Variants in F5 observed in about 807,000 individuals in gnomAD.
The protein encoded by F5 is coagulation factor V.
In F5, 138 loss-of-function variants were observed where a neutral mutation model predicts 216.4. That is an observed-to-expected ratio of 0.64 (90% CI 0.56 to 0.73). The LOEUF (loss-of-function observed/expected upper bound fraction) is 0.73, where lower values mean the gene tolerates loss of function less well. Ranked by LOEUF, F5 falls within the 30% of genes least tolerant of loss-of-function variation. The pLI is 0.00. For missense variants in F5, 2,403 were observed against 2,674.0 expected (o/e 0.90, Z 2.24); for synonymous variants, 916 against 930.7 (o/e 0.98, Z 0.29).
chr1:169,535,689 C>T (rs1273281432), intron 14 of F5, among the ~76,000 whole-genome samples: 2 of 152,032 alleles, frequency 1.3e-5, no homozygotes, highest in Admixed American at 1.3e-4. Flanking sequence ...GTTAAATTAT[C>T]GTTCATCTTG....
intron 2 of F5, among the ~76,000 whole-genome samples, chr1:169,577,937 G>A (rs1036963267): frequency 6.6e-6 from 1 of 151,990 alleles, no homozygotes; most frequent in African/African-American, 2.4e-5. Flanking sequence ...GACTTTTTCA[G>A]GGCTCAGCTA....
chr1:169,573,830 A>C (rs1477577732), intron 2 of F5, among the ~76,000 whole-genome samples: 1 of 152,164 alleles, frequency 6.6e-6, no homozygotes, highest in East Asian at 1.9e-4. Flanking sequence ...GAGAGGATGA[A>C]GCACAAATTC....
In F5 at chr1:169,528,048, C is replaced by T. The variant is rs2101809740; in HGVS notation, c.5466G>A (p.Glu1822=). 5 of 1,613,946 alleles carry T rather than the reference C, an allele frequency of 3.1e-6. No individual in the cohort carries two copies. Among genetic ancestry groups the T allele is most frequent in the Non-Finnish European group, 4.2e-6 (5 of 1,179,862 alleles). ...GCAGGTGTAACCTCACCCACTCTTG[C>T]TCATACATTTTCAGGCCAGGCAAGC... ...IYSLPGLKMY[E]QEWVRLHLLN... Residue 1822 remains glutamate, a synonymous_variant, in exon 17 of 25, where the codon GAG becomes GAA. Coordinates refer to ENST00000367797, the MANE Select transcript of F5 (RefSeq NM_000130.5).
At position 169,555,350 on chromosome 1, in the gene F5, G is replaced by A. The variant is rs1660295489; in HGVS notation, c.953-3C>T. On this transcript the variant is annotated splice_polypyrimidine_tract_variant and splice_region_variant and intron_variant, in intron 6 of 24. Coordinates refer to ENST00000367797, the MANE Select transcript of F5 (RefSeq NM_000130.5). ...GTCAATGTAAGCCTGCATCCCAGCT[G>A]AGTTAGGACAGAAAGACAATGAAAT... The A allele has an allele frequency of 6.2e-7, 1 of 1,613,810 alleles. No individual in the cohort carries two copies. Among genetic ancestry groups the A allele is most frequent in the East Asian group, 2.2e-5 (1 of 44,842 alleles).
chr1:169,540,382 A>G lies in F5; in HGVS notation c.4708T>C (p.Trp1570Arg). 1.2e-6 allele frequency: 2 copies of G among 1,614,036 alleles called. No individual in the cohort carries two copies. The highest frequency in any genetic ancestry group is 1.7e-6 in the Non-Finnish European group (2 of 1,179,932). ...SSRDPDNIAA[W>R]YLRSNNGNRR... ...TTTCCATTGTTGCTGCGGAGGTACC[A>G]TGCTGCAATGTTGTCAGGATCTCTG... The change falls in exon 13 of 25, where the codon TGG (tryptophan) becomes CGG (arginine). Residue 1570 changes from tryptophan (W) to arginine (R), a missense_variant. Transcript: ENST00000367797.
intron 21 of F5, among the ~76,000 whole-genome samples, chr1:169,522,644 G>A (rs1659336889): frequency 6.6e-6 from 1 of 152,144 alleles, no homozygotes; most frequent in Non-Finnish European, 1.5e-5. Context: ...ACTTCTTTGG[G>A]GAAGGGAATA....
chr1:169,540,307 C>T lies in F5; in HGVS notation c.4783G>A (p.Glu1595Lys), dbSNP rs1553219241. The T allele has an allele frequency of 1.2e-6, 2 of 1,613,820 alleles. No homozygotes were observed. Among genetic ancestry groups the T allele is most frequent in the Non-Finnish European group, 1.7e-6 (2 of 1,179,824 alleles). Residue 1595 changes from glutamate (E) to lysine (K), a missense_variant, in exon 13 of 25, where the codon GAA becomes AAA. Physicochemically the swap from Glu to Lys is moderately conservative, Grantham distance 56. Around this residue, in one of 4 missense-constraint regions of F5, gnomAD observed 659 missense variants for 787.9 expected, o/e 0.84. Transcript: ENST00000367797. ...AACTGGCCAAACCTTTGTACAAATT[C>T]TGAATAATCCCAGGATATTTCTTCA... Reference protein sequence around the residue: ...AAEEISWDYSEFVQRETDIED... With the variant: ...AAEEISWDYSKFVQRETDIED...
intron 2 of F5, among the ~76,000 whole-genome samples, chr1:169,577,560 A>AATATATATATATATATATATATATATAT: frequency 1.8e-5 from 1 of 54,446 alleles, no homozygotes; most frequent in Admixed American, 2.6e-4. Flanking sequence ...GGCTAATTTA[A>AATATATATATATATATATATATATATAT]ATATATATAT....
chr1:169,554,978 C>A (rs1285654342), intron 7 of F5, among the ~76,000 whole-genome samples: 3 of 152,130 alleles, frequency 2.0e-5, no homozygotes, highest in African/African-American at 7.2e-5. Flanking sequence ...AAGGTAGCTG[C>A]TGTTGTCATT....
At chr1:169,562,788 A>T (rs1306341708) in intron 3 of F5, among the ~76,000 whole-genome samples, 2 of 152,030 alleles carry the variant, frequency 1.3e-5, no homozygotes, top group Non-Finnish European at 2.9e-5. Flanking sequence ...CATTTTATTT[A>T]TATATACATA....
At chr1:169,524,475 C>T (rs9332641) in intron 19 of F5, among the ~76,000 whole-genome samples, 8,333 of 152,202 alleles carry the variant, frequency 0.055, 352 homozygotes, top group Admixed American at 0.1. Flanking sequence ...GAAATGGGCG[C>T]GTGGTCATAA....
chr1:169,518,780 AAC>A (rs1246396406), intron 22 of F5, among the ~76,000 whole-genome samples: 4 of 152,212 alleles, frequency 2.6e-5, no homozygotes, highest in Non-Finnish European at 5.9e-5. Flanking sequence ...GTACAGCCAA[AAC>A]ACAGTAACTT....
Position 169,542,447 on chromosome 1 carries a change from G to T in F5, c.2643C>A (p.Ser881=), listed in dbSNP as rs1405807613. 1 of 1,614,090 alleles carries T rather than the reference G, an allele frequency of 6.2e-7. No homozygotes were observed. ...CTTTATGTGCTAGTAATTTCATCCA[G>T]GAGAACCTGTGCTTTGCTGCTTGAT... ...ERDQAAKHRF[S]WMKLLAHKVG... The change falls in exon 13 of 25, where the codon TCC becomes TCA. Residue 881 remains serine, a synonymous_variant. Transcript: ENST00000367797.
In F5 at chr1:169,525,991, C is replaced by G. The variant is rs750086339; in HGVS notation, c.5626G>C (p.Ala1876Pro). The G allele has an allele frequency of 1.2e-6, 2 of 1,612,650 alleles. No homozygotes were observed. The highest frequency in any genetic ancestry group is 2.2e-5 in the East Asian group (1 of 44,852). Reference sequence around the variant, plus strand: ...AGGAGCCACCAGCCAGGTTTTGATGCCTTCATTTCAAGAGTTTTAAATGAA... The same window carrying G: ...AGGAGCCACCAGCCAGGTTTTGATGGCTTCATTTCAAGAGTTTTAAATGAA... ...PGSFKTLEMK[A>P]SKPGWWLLNT... is the part of the protein sequence containing the mutation. The change falls in exon 18 of 25, where the codon GCA (alanine) becomes CCA (proline). Residue 1876 changes from alanine to proline, a missense_variant. This residue lies in a region of F5 where 659 missense variants were observed against 787.9 expected (regional missense o/e 0.84). Coordinates refer to ENST00000367797, the MANE Select transcript of F5 (RefSeq NM_000130.5).
At chr1:169,557,002 C>A in intron 5 of F5, 135 bp from the exon 6 acceptor site, 1 of 782,340 alleles carries the variant, frequency 1.3e-6, no homozygotes. Context: ...AACAGACACT[C>A]CAGTTGTAGT....
chr1:169,532,630 C>CCACACA (rs150039090), intron 14 of F5, among the ~76,000 whole-genome samples: 11 of 151,692 alleles, frequency 7.3e-5, no homozygotes, highest in African/African-American at 1.7e-4. Flanking sequence ...TTAAACATAG[C>CCACACA]CACACACACA....
intron 16 of F5, 88 bp from the exon 17 acceptor site, chr1:169,528,182 A>G: frequency 6.6e-7 from 1 of 1,506,596 alleles, no homozygotes; most frequent in South Asian, 1.2e-5. Context: ...CCCACTCAAC[A>G]CCCATGTTCC....
intron 22 of F5, among the ~76,000 whole-genome samples, chr1:169,519,229 C>G (rs974220412): frequency 6.6e-6 from 1 of 151,920 alleles, no homozygotes; most frequent in Non-Finnish European, 1.5e-5. Flanking sequence ...GAAGTGATGC[C>G]TTACTTTCTC....
intron 2 of F5, among the ~76,000 whole-genome samples, chr1:169,578,499 C>T (rs927975735): frequency 5.3e-5 from 8 of 152,212 alleles, no homozygotes; most frequent in African/African-American, 7.2e-5. Context: ...GCATTTAGCA[C>T]AATGTCTCAC....
Sources: allele counts gnomAD v4.1 joint callset (sites outside exome capture counted in the v4.1 genomes callset), GRCh38; gene constraint gnomAD v4.1.1; regional missense constraint gnomAD v4.1.1; transcripts MANE v1.5; gene names NCBI Gene and HGNC (gene_info 2026-07-23, HGNC 2026-07-21).